Variants in SLC35F1 observed in about 807,000 individuals in gnomAD.
SLC35F1 encodes solute carrier family 35 member F1.
SLC35F1 carries 14 observed loss-of-function variants against 48.7 expected under a neutral mutation model. The observed-to-expected ratio is 0.29, with a 90% CI of 0.19 to 0.45. The LOEUF is 0.45. Among genes scored for constraint, SLC35F1 ranks in the 20% least tolerant of loss-of-function variants. The probability of loss-of-function intolerance (pLI) is 1.00; values close to 1 mark genes in which losing one functional copy is unlikely to be tolerated. For synonymous variants in SLC35F1, 190 were observed against 202.2 expected (o/e 0.94, Z 0.51); for missense variants, 404 against 500.0 (o/e 0.81, Z 1.83).
chr6:117,924,452 C>T (rs72955865), intron 1 of SLC35F1, among the ~76,000 whole-genome samples: 1 of 98,018 alleles, frequency 1.0e-5, no homozygotes, highest in Non-Finnish European at 2.2e-5. Flanking sequence ...ATACACATAC[C>T]TATATGTGTG....
At chr6:118,277,371 C>T in intron 5 of SLC35F1, 123 bp from the exon 6 acceptor site, 1 of 889,204 alleles carries the variant, frequency 1.1e-6, no homozygotes, top group African/African-American at 1.7e-5. Context: ...AAAATTCTTT[C>T]TGAAATTCAT....
intron 7 of SLC35F1, among the ~76,000 whole-genome samples, chr6:118,301,735 T>G (rs1394019935): frequency 6.6e-6 from 1 of 152,146 alleles, no homozygotes. Flanking sequence ...TTATAAATAT[T>G]TTAGGCTTTG....
At chr6:118,187,417 C>T (rs1020137541) in intron 2 of SLC35F1, among the ~76,000 whole-genome samples, 1 of 152,156 alleles carries the variant, frequency 6.6e-6, no homozygotes, top group African/African-American at 2.4e-5. Context: ...GTTCTCTGAG[C>T]AGATAAGTGA....
intron 2 of SLC35F1, among the ~76,000 whole-genome samples, chr6:118,232,598 C>T (rs930763466): frequency 1.3e-5 from 2 of 149,774 alleles, no homozygotes; most frequent in Non-Finnish European, 3.0e-5. Context: ...GCAGGAAAAC[C>T]TAGCCCAGTC....
At chr6:117,971,060 G>A (rs1776631145) in intron 1 of SLC35F1, among the ~76,000 whole-genome samples, 1 of 152,104 alleles carries the variant, frequency 6.6e-6, no homozygotes, top group Non-Finnish European at 1.5e-5. Context: ...GATAAGGCAA[G>A]TACCCTCCAC....
intron 7 of SLC35F1, among the ~76,000 whole-genome samples, chr6:118,288,427 C>A (rs1776077995): frequency 1.3e-5 from 2 of 152,070 alleles, no homozygotes; most frequent in South Asian, 4.2e-4. Context: ...TCTGGAAAGG[C>A]CAGACAACTC....
At chr6:117,942,003 C>T (rs1306987551) in intron 1 of SLC35F1, among the ~76,000 whole-genome samples, 1 of 152,122 alleles carries the variant, frequency 6.6e-6, no homozygotes, top group Non-Finnish European at 1.5e-5. Context: ...ACCTTTTTCT[C>T]AAGATCTTAA....
At chr6:118,288,670 C>T (rs988123345) in intron 7 of SLC35F1, among the ~76,000 whole-genome samples, 1 of 152,108 alleles carries the variant, frequency 6.6e-6, no homozygotes, top group East Asian at 1.9e-4. Context: ...TTGGCTCTTC[C>T]TGAATTCCAA....
intron 7 of SLC35F1, among the ~76,000 whole-genome samples, chr6:118,297,441 T>C (rs936685739): frequency 1.2e-4 from 18 of 151,944 alleles, no homozygotes; most frequent in African/African-American, 4.3e-4. Flanking sequence ...TTCCCTATAA[T>C]GCGAAAGCAG....
At chr6:118,109,789 AAGG>A (rs1478708425) in intron 1 of SLC35F1, among the ~76,000 whole-genome samples, 3 of 152,172 alleles carry the variant, frequency 2.0e-5, no homozygotes, top group Non-Finnish European at 4.4e-5. Flanking sequence ...GCTTCTGAGA[AAGG>A]AGATTTCATG....
intron 1 of SLC35F1, among the ~76,000 whole-genome samples, chr6:118,069,028 G>T (rs1772660345): frequency 1.3e-5 from 2 of 152,108 alleles, no homozygotes; most frequent in South Asian, 2.1e-4. Flanking sequence ...TGGTAAGAAA[G>T]AAATTTTTTG....
intron 1 of SLC35F1, among the ~76,000 whole-genome samples, chr6:118,026,975 C>A (rs1384087522): frequency 6.6e-6 from 1 of 152,066 alleles, no homozygotes; most frequent in African/African-American, 2.4e-5. Flanking sequence ...GTTGTCATTG[C>A]CTTCTCCTAC....
intron 1 of SLC35F1, among the ~76,000 whole-genome samples, chr6:118,117,282 T>G (rs987608239): frequency 1.3e-5 from 2 of 152,232 alleles, no homozygotes; most frequent in African/African-American, 4.8e-5. Context: ...AAAGAACTCC[T>G]ACTACATTTT....
chr6:118,125,495 C>T (rs773829608), intron 1 of SLC35F1, among the ~76,000 whole-genome samples: 8 of 152,040 alleles, frequency 5.3e-5, no homozygotes, highest in East Asian at 1.9e-4. Context: ...AGTTTTGGGA[C>T]GAGCAAGAAC....
At chr6:117,958,039 G>A (rs1462326242) in intron 1 of SLC35F1, among the ~76,000 whole-genome samples, 1 of 152,102 alleles carries the variant, frequency 6.6e-6, no homozygotes, top group Non-Finnish European at 1.5e-5. Context: ...CCTTCCAGTG[G>A]GACAAGATGT....
chr6:117,958,369 T>G (rs1000193880), intron 1 of SLC35F1, among the ~76,000 whole-genome samples: 2 of 152,190 alleles, frequency 1.3e-5, no homozygotes, highest in Non-Finnish European at 2.9e-5. Context: ...ATAGCCTAAA[T>G]GAATCACGCT....
chr6:117,926,506 GTGTGTT>G (rs922333273), intron 1 of SLC35F1, among the ~76,000 whole-genome samples: 2 of 152,164 alleles, frequency 1.3e-5, no homozygotes, highest in African/African-American at 4.8e-5. Context: ...GAGTGTGTGT[GTGTGTT>G]TGTGTTTGTG....
intron 2 of SLC35F1, among the ~76,000 whole-genome samples, chr6:118,222,881 G>A (rs1461106892): frequency 6.6e-6 from 1 of 152,164 alleles, no homozygotes; most frequent in Non-Finnish European, 1.5e-5. Flanking sequence ...TGTGTAACAA[G>A]ATATTTCAGG....
intron 1 of SLC35F1, among the ~76,000 whole-genome samples, chr6:117,962,810 G>A (rs1202138449): frequency 6.6e-6 from 1 of 152,202 alleles, no homozygotes; most frequent in Non-Finnish European, 1.5e-5. Flanking sequence ...GATCAGCTAG[G>A]CACTCTTTAA....
Sources: gnomAD v4.1 joint callset for allele counts (sites outside exome capture counted in the v4.1 genomes callset) on GRCh38, gnomAD v4.1.1 for gene constraint, MANE v1.5 for transcripts, NCBI Gene and HGNC (gene_info 2026-07-23, HGNC 2026-07-21) for gene names.